SHOC1: variants seen among roughly 807,000 people sequenced by gnomAD.
SHOC1 encodes the protein shortage in chiasmata 1, also known as protein shortage in chiasmata 1 ortholog.
SHOC1 carries 136 observed loss-of-function variants against 179.2 expected under a neutral mutation model. The observed-to-expected ratio is 0.76, with a 90% CI of 0.66 to 0.87. The LOEUF (loss-of-function observed/expected upper bound fraction) is 0.87. Ranked by LOEUF, SHOC1 falls within the 40% of genes least tolerant of loss-of-function variation. SHOC1 has a pLI of 0.00. For missense variants in SHOC1, 1,538 were observed against 1,700.8 expected (o/e 0.90, Z 1.68); for synonymous variants, 489 against 586.6 (o/e 0.83, Z 2.41).
intron 19 of SHOC1, among the ~76,000 whole-genome samples, chr9:111,707,348 C>T (rs989858310): frequency 6.6e-6 from 1 of 151,532 alleles, no homozygotes; most frequent in African/African-American, 2.4e-5. Flanking sequence ...TTTTTATGGG[C>T]TTCTATTTGA....
At position 111,686,557 on chromosome 9, in the gene SHOC1, AATT is replaced by A. The variant is rs1409569371; in HGVS notation, c.*210_*212del. ...TGGAAGACATTTTGGATCTTATGAT[AATT>A]ATTCTGCTAATTGATAAATTAGAAT... On this transcript the variant is annotated 3_prime_UTR_variant, in exon 28 of 28. Coordinates refer to ENST00000682961, the MANE Select transcript of SHOC1 (RefSeq NM_001378211.1). The A allele has an allele frequency of 4.8e-6, 2 of 417,152 alleles. No homozygotes were observed. Among genetic ancestry groups the A allele is most frequent in the African/African-American group, 2.1e-5 (1 of 48,474 alleles). 25.8% of individuals were successfully genotyped at this position (417,152 alleles called of 1,614,324 possible).
At chr9:111,727,558 T>C in intron 13 of SHOC1, 75 bp downstream of exon 13, 3 of 1,268,982 alleles carry the variant, frequency 2.4e-6, no homozygotes, top group Non-Finnish European at 3.2e-6. Context: ...TTTATCTCCT[T>C]GCCTTCTATA....
chr9:111,712,899 C>T (rs567279367), intron 18 of SHOC1, among the ~76,000 whole-genome samples: 60 of 152,246 alleles, frequency 3.9e-4, no homozygotes, highest in Middle Eastern at 3.4e-3. Flanking sequence ...TACATATAAA[C>T]ACCTTGTAGT....
chr9:111,786,867 A>C (rs1443044785), intron 2 of SHOC1, among the ~76,000 whole-genome samples: 2 of 152,230 alleles, frequency 1.3e-5, no homozygotes, highest in African/African-American at 4.8e-5. Context: ...CAAACTTCAA[A>C]GGACAAGCTG....
At chr9:111,779,373 T>C (rs1377591688) in intron 4 of SHOC1, among the ~76,000 whole-genome samples, 3 of 152,186 alleles carry the variant, frequency 2.0e-5, no homozygotes, top group East Asian at 1.9e-4. Flanking sequence ...AAGGCCTACT[T>C]TGAGTAACAA....
intron 5 of SHOC1, among the ~76,000 whole-genome samples, chr9:111,773,420 C>G (rs989973804): frequency 2.0e-5 from 3 of 152,026 alleles, no homozygotes; most frequent in African/African-American, 7.2e-5. Flanking sequence ...TCAAGTGATT[C>G]TCCTGCCTCA....
At chr9:111,701,765 C>T (rs541525887) in intron 23 of SHOC1, among the ~76,000 whole-genome samples, 3 of 152,104 alleles carry the variant, frequency 2.0e-5, no homozygotes, top group Admixed American at 1.3e-4. Context: ...CTCTTACGTT[C>T]GAACTTATAC....
chr9:111,782,724 A>C (rs1163820684), intron 3 of SHOC1, among the ~76,000 whole-genome samples: 1 of 152,026 alleles, frequency 6.6e-6, no homozygotes, highest in Non-Finnish European at 1.5e-5. Flanking sequence ...TAAAAAAAAA[A>C]CAAAAACAAA....
intron 2 of SHOC1, among the ~76,000 whole-genome samples, chr9:111,789,025 C>A (rs1224418423): frequency 6.6e-6 from 1 of 152,188 alleles, no homozygotes; most frequent in East Asian, 1.9e-4. Flanking sequence ...TCCAACTCAT[C>A]TTTCAAGGCC....
At chr9:111,730,894 T>C (rs1272695398) in intron 12 of SHOC1, among the ~76,000 whole-genome samples, 2 of 152,242 alleles carry the variant, frequency 1.3e-5, no homozygotes, top group Non-Finnish European at 2.9e-5. Flanking sequence ...GAATATCTGT[T>C]GTTTAGTGTA....
At chr9:111,786,429 C>T (rs773089456) in intron 2 of SHOC1, among the ~76,000 whole-genome samples, 27 of 151,378 alleles carry the variant, frequency 1.8e-4, no homozygotes, top group African/African-American at 2.7e-4. Flanking sequence ...AGTGAGACTC[C>T]GTGTCAAAAA....
At chr9:111,761,035 A>G (rs181146710) in intron 5 of SHOC1, among the ~76,000 whole-genome samples, 139 of 152,164 alleles carry the variant, frequency 9.1e-4, no homozygotes, top group African/African-American at 3.3e-3. Context: ...ATAATAGAAA[A>G]TCCAGAAATG....
rs562290041 is a variant in SHOC1, at chr9:111,693,703, T to G, written c.3465+96A>C. The stretch of plus-strand genomic sequence containing the variant: ...TATTTGAAGTCCAAAACAATTAAAC[T>G]TGGATACCTTCATTTTAAAAATCCT... On this transcript the variant is annotated intron_variant, in intron 26 of 27. Coordinates refer to ENST00000682961, the MANE Select transcript of SHOC1 (RefSeq NM_001378211.1). The G allele has an allele frequency of 2.8e-4, 210 of 760,562 alleles. 1 individual carries two copies. The South Asian group carries it at 6.6e-3, about 24-fold the overall frequency. 47.1% of individuals were successfully genotyped at this position (760,562 alleles called of 1,614,324 possible). A position where few individuals can be genotyped will look rare whatever the true frequency, so the allele number is the denominator to read the frequency against.
rs1340362646 is a variant in SHOC1, at chr9:111,692,413, A to G, written c.3564T>C (p.Ser1188=). 2.5e-6 allele frequency: 4 copies of G among 1,613,406 alleles called. No individual in the cohort carries two copies. Among genetic ancestry groups the G allele is most frequent in the African/African-American group, 2.7e-5 (2 of 74,928 alleles). Residue 1188 remains serine, a synonymous_variant, in exon 27 of 28, where the codon AGT becomes AGC. Transcript: ENST00000682961. ...AAGCTGAACTTTGAGAAGACAAGGTACTAATCTGATTCCTATTTTCCTGAG... is the reference window on the plus strand; with the variant it reads ...AAGCTGAACTTTGAGAAGACAAGGTGCTAATCTGATTCCTATTTTCCTGAG... ...SSPQENRNQI[S]TLSSQSSASD... is the part of the protein sequence containing the mutation.
Position 111,745,333 on chromosome 9 carries a change from A to C in SHOC1, c.1079+901T>G, listed in dbSNP as rs536858253. Among the ~76,000 whole-genome samples the C allele has an allele frequency of 1.2e-4, 18 of 152,344 alleles. No individual in the cohort carries two copies. The East Asian group carries it at 3.3e-3, about 28-fold the overall frequency. ...TGTAGATTTAAAAAACCTGAGGCAC[A>C]GAACAATTAAGGTTGCAGTTAGAAA... On this transcript the variant is annotated intron_variant, in intron 10 of 27. Transcript: ENST00000682961.
chr9:111,688,699 G>T lies in SHOC1; in HGVS notation c.4427-1829C>A, dbSNP rs79930925. Among the ~76,000 whole-genome samples, 371 of 152,000 alleles carry T rather than the reference G, an allele frequency of 2.4e-3. 2 individuals are homozygous for T. The highest frequency in any genetic ancestry group is 8.1e-3 in the African/African-American group (336 of 41,456). On this transcript the variant is annotated intron_variant, in intron 27 of 27. Coordinates refer to ENST00000682961, the MANE Select transcript of SHOC1 (RefSeq NM_001378211.1). ...TGGCTCAAAGAAAAAATTTATAATAGATCAATTAAGAAAAAAATAAAAATT... is the reference window on the plus strand; with the variant it reads ...TGGCTCAAAGAAAAAATTTATAATATATCAATTAAGAAAAAAATAAAAATT...
chr9:111,688,097 G>C (rs1379724736), intron 27 of SHOC1, among the ~76,000 whole-genome samples: 1 of 152,074 alleles, frequency 6.6e-6, no homozygotes, highest in East Asian at 1.9e-4. Flanking sequence ...GTAGCATTCT[G>C]GTAAACGTTT....
chr9:111,725,418 T>C (rs1401768125), intron 13 of SHOC1, among the ~76,000 whole-genome samples: 7 of 152,242 alleles, frequency 4.6e-5, no homozygotes, highest in Middle Eastern at 3.4e-3. Flanking sequence ...GAGAGTCAAA[T>C]GAGCTTGCTA....
At chr9:111,701,691 G>A (rs1831976498) in intron 23 of SHOC1, among the ~76,000 whole-genome samples, 1 of 152,022 alleles carries the variant, frequency 6.6e-6, no homozygotes, top group African/African-American at 2.4e-5. Context: ...GGAAAAACCA[G>A]GCTAAATCAC....
Sources: allele counts gnomAD v4.1 joint callset (sites outside exome capture counted in the v4.1 genomes callset), GRCh38; gene constraint gnomAD v4.1.1; transcripts MANE v1.5; gene names NCBI Gene and HGNC (gene_info 2026-07-23, HGNC 2026-07-21).